The following DCLK2 variants were observed in gnomAD, a reference collection of about 807,000 sequenced individuals.
DCLK2 encodes serine/threonine-protein kinase DCLK2.
DCLK2 carries 31 observed loss-of-function variants against 78.4 expected under a neutral mutation model. The ratio of observed to expected loss-of-function variants is 0.40; its 90% CI spans 0.30 to 0.53. The LOEUF (loss-of-function observed/expected upper bound fraction) is 0.53. Among genes scored for constraint, DCLK2 ranks in the 20% least tolerant of loss-of-function variants. The pLI is 0.61. For missense variants in DCLK2, 872 were observed against 973.7 expected (o/e 0.90, Z 1.39); for synonymous variants, 407 against 374.9 (o/e 1.09, Z -0.99).
chr4:150,239,854 C>T lies in DCLK2; in HGVS notation c.1679C>T (p.Pro560Leu). The change falls in exon 11 of 16, where the codon CCA becomes CTA. Residue 560 changes from proline (P) to leucine (L), a missense_variant. Physicochemically the swap from Pro to Leu is moderately conservative, Grantham distance 98. Transcript: ENST00000296550. ...TVCGTPTYVAPEIIAETGYGL... is the reference protein window; with the variant it reads ...TVCGTPTYVALEIIAETGYGL... ...TGTGGCACACCCACTTATGTGGCTC[C>T]AGAAATCATTGCTGAAACTGGGTAA... The T allele has an allele frequency of 6.2e-7, 1 of 1,614,100 alleles. No individual in the cohort carries two copies.
chr4:150,154,432 G>A (rs1344428909), intron 2 of DCLK2, among the ~76,000 whole-genome samples: 2 of 152,174 alleles, frequency 1.3e-5, no homozygotes, highest in Non-Finnish European at 2.9e-5. Context: ...CTTGATGAGG[G>A]ACTTGGGTCA....
At chr4:150,163,077 A>G (rs1735819815) in intron 2 of DCLK2, among the ~76,000 whole-genome samples, 1 of 152,070 alleles carries the variant, frequency 6.6e-6, no homozygotes, top group Admixed American at 6.6e-5. Flanking sequence ...GGCGGTACCT[A>G]AGCAAATGGA....
chr4:150,205,166 C>A (rs1264675632), intron 5 of DCLK2, among the ~76,000 whole-genome samples: 1 of 152,034 alleles, frequency 6.6e-6, no homozygotes, highest in Non-Finnish European at 1.5e-5. Flanking sequence ...ACTCCACCAC[C>A]CTTGCATGAG....
At chr4:150,135,262 A>G (rs563789756) in intron 2 of DCLK2, among the ~76,000 whole-genome samples, 1 of 152,228 alleles carries the variant, frequency 6.6e-6, no homozygotes, top group South Asian at 2.1e-4. Flanking sequence ...GCACATTAGC[A>G]TATCAGAAAC....
At chr4:150,139,566 G>A (rs936899399) in intron 2 of DCLK2, among the ~76,000 whole-genome samples, 1 of 152,202 alleles carries the variant, frequency 6.6e-6, no homozygotes, top group Non-Finnish European at 1.5e-5. Context: ...CAGTCAAAGT[G>A]AGAATCTACA....
At chr4:150,222,853 A>T (rs1741298063) in intron 7 of DCLK2, among the ~76,000 whole-genome samples, 1 of 151,784 alleles carries the variant, frequency 6.6e-6, no homozygotes, top group South Asian at 2.1e-4. Flanking sequence ...GCAACAGACC[A>T]AGACTGTGTC....
intron 2 of DCLK2, among the ~76,000 whole-genome samples, chr4:150,154,208 C>T (rs1054826161): frequency 3.3e-5 from 5 of 152,284 alleles, no homozygotes; most frequent in Non-Finnish European, 5.9e-5. Context: ...TCGAGTAATA[C>T]GTTTGTCACT....
At chr4:150,108,955 C>G (rs1444474491) in intron 2 of DCLK2, among the ~76,000 whole-genome samples, 1 of 152,170 alleles carries the variant, frequency 6.6e-6, no homozygotes, top group African/African-American at 2.4e-5. Flanking sequence ...TGCTCACATG[C>G]AGCGGGTCCT....
intron 5 of DCLK2, among the ~76,000 whole-genome samples, chr4:150,217,208 G>A (rs751381861): frequency 7.2e-5 from 11 of 152,282 alleles, no homozygotes; most frequent in Non-Finnish European, 1.5e-4. Context: ...ATTTTGCAAA[G>A]GAAATGATGA....
intron 2 of DCLK2, among the ~76,000 whole-genome samples, chr4:150,147,065 C>T (rs894907860): frequency 1.3e-5 from 2 of 151,996 alleles, no homozygotes; most frequent in Non-Finnish European, 1.5e-5. Flanking sequence ...AGGAGGATTG[C>T]TTAAGCCCAG....
chr4:150,116,860 G>A (rs1285283765), intron 2 of DCLK2, among the ~76,000 whole-genome samples: 1 of 152,108 alleles, frequency 6.6e-6, no homozygotes, highest in Non-Finnish European at 1.5e-5. Context: ...TCTTCTACCT[G>A]GAGATGCTGT....
Position 150,256,205 on chromosome 4 carries a change from GGGT to G in DCLK2, c.2264_2266del (p.Gly755del). The G allele has an allele frequency of 7.2e-7, 1 of 1,391,614 alleles. No homozygotes were observed. The highest frequency in any genetic ancestry group is 9.4e-7 in the Non-Finnish European group (1 of 1,064,610). The allele number at this position is 1,391,614 out of a possible 1,614,324, so 86.2% of individuals were successfully genotyped here. On this transcript the variant is annotated inframe_deletion, in exon 16 of 16. Coordinates refer to ENST00000296550, the MANE Select transcript of DCLK2 (RefSeq NM_001040260.4). Reference sequence around the variant, plus strand: ...CCCCCCACCCTCCTCCCGCTGCCCCGGGTGGTGAGCGGGCAGGAACCTGGCGCC... The same window carrying G: ...CCCCCCACCCTCCTCCCGCTGCCCCGGGTGAGCGGGCAGGAACCTGGCGCC...
intron 2 of DCLK2, among the ~76,000 whole-genome samples, chr4:150,110,302 A>G (rs1328798775): frequency 2.6e-5 from 4 of 152,230 alleles, no homozygotes; most frequent in African/African-American, 7.2e-5. Flanking sequence ...TTTACGCACT[A>G]CCAAATTTTG....
intron 2 of DCLK2, among the ~76,000 whole-genome samples, chr4:150,144,723 A>G (rs1734339067): frequency 6.6e-6 from 1 of 152,134 alleles, no homozygotes; most frequent in Admixed American, 6.6e-5. Context: ...AGTACCTGGG[A>G]CTGCAGGCAT....
chr4:150,098,677 A>G (rs1401928336), intron 1 of DCLK2, among the ~76,000 whole-genome samples: 1 of 147,248 alleles, frequency 6.8e-6, no homozygotes, highest in Non-Finnish European at 1.5e-5. Context: ...AGTCTCTCAT[A>G]CTGTGGGGTT....
At chr4:150,214,998 C>T (rs373215856) in intron 5 of DCLK2, among the ~76,000 whole-genome samples, 4 of 150,402 alleles carry the variant, frequency 2.7e-5, no homozygotes, top group South Asian at 2.1e-4. Flanking sequence ...TGACTTGACA[C>T]TTATAGACCA....
intron 2 of DCLK2, among the ~76,000 whole-genome samples, chr4:150,174,390 A>G (rs1406096162): frequency 6.6e-6 from 1 of 152,136 alleles, no homozygotes; most frequent in Non-Finnish European, 1.5e-5. Context: ...TTCTTGTTTT[A>G]TATAATAGTC....
rs116287453 is a variant in DCLK2 at position 150,124,423 on chromosome 4, T to G, written c.756+21611T>G. 7.7e-3 allele frequency among the ~76,000 whole-genome samples: 1,168 copies of G among 152,322 alleles called. 4 individuals are homozygous for G. The highest frequency in any genetic ancestry group is 0.016 in the South Asian group (76 of 4,824). On this transcript the variant is annotated intron_variant, in intron 2 of 15. Coordinates refer to ENST00000296550, the MANE Select transcript of DCLK2 (RefSeq NM_001040260.4). ...ATTATATTTGAAAATATTGTTCTTT[T>G]AGTTTGCCCACATTCTAAGTCATTA...
chr4:150,241,102 T>C (rs576674629), intron 12 of DCLK2, among the ~76,000 whole-genome samples: 2 of 152,336 alleles, frequency 1.3e-5, no homozygotes, highest in Admixed American at 1.3e-4. Context: ...ATATCCTCTT[T>C]CCAAGCATTC....
Sources: allele counts gnomAD v4.1 joint callset (sites outside exome capture counted in the v4.1 genomes callset), GRCh38; gene constraint gnomAD v4.1.1; transcripts MANE v1.5; gene names NCBI Gene and HGNC (gene_info 2026-07-23, HGNC 2026-07-21).